KLF12: variants seen among roughly 807,000 people sequenced by gnomAD.
The protein encoded by KLF12 is KLF transcription factor 12.
KLF12 carries 9 observed loss-of-function variants against 37.8 expected under a neutral mutation model. That is an observed-to-expected ratio of 0.24 (90% CI 0.14 to 0.42). The LOEUF (loss-of-function observed/expected upper bound fraction) is 0.42. Ranked by LOEUF, KLF12 falls within the 10% of genes least tolerant of loss-of-function variation. The probability of loss-of-function intolerance (pLI) is 1.00; values close to 1 mark genes in which losing one functional copy is unlikely to be tolerated. For synonymous variants in KLF12, 208 were observed against 202.1 expected (o/e 1.03, Z -0.25); for missense variants, 411 against 516.0 (o/e 0.80, Z 1.97).
At chr13:73,877,807 T>C (rs988473832) in intron 3 of KLF12, among the ~76,000 whole-genome samples, 3 of 152,182 alleles carry the variant, frequency 2.0e-5, no homozygotes, top group Admixed American at 1.3e-4. Context: ...CAAGGAAATA[T>C]TGGGTAGAAC....
rs896846118 is a variant in KLF12, at chr13:73,893,529, G to A, written c.124-47156C>T. On this transcript the variant is annotated intron_variant, in intron 3 of 7. Coordinates refer to ENST00000377669, the MANE Select transcript of KLF12 (RefSeq NM_007249.5). ...CCCAAGTAGCTAGGACTATAGGAGC[G>A]CGCTGCTATACCTGGCTAATTTTTG... Among the ~76,000 whole-genome samples the A allele has an allele frequency of 4.1e-4, 63 of 151,920 alleles. 1 individual carries two copies. The highest frequency in any genetic ancestry group is 4.1e-3 in the Admixed American group (63 of 15,256).
In KLF12 at chr13:73,715,599, T is replaced by C. The variant is rs928180196; in HGVS notation, c.870-74A>G. The C allele has an allele frequency of 2.0e-5, 29 of 1,456,864 alleles. No individual in the cohort carries two copies. In the African/African-American group the frequency reaches 3.9e-4, roughly 20 times the overall value. The allele number at this position is 1,456,864 out of a possible 1,614,324, so 90.2% of individuals were successfully genotyped here. A position where few individuals can be genotyped will look rare whatever the true frequency, so the allele number is the denominator to read the frequency against. Reference sequence around the variant, plus strand: ...TTTTGGTTCTGGTGGCATGGGAACATTGTCTCAGACACTACAGCTTCACAG... The same window carrying C: ...TTTTGGTTCTGGTGGCATGGGAACACTGTCTCAGACACTACAGCTTCACAG... On this transcript the variant is annotated intron_variant, in intron 6 of 7. Coordinates refer to ENST00000377669, the MANE Select transcript of KLF12 (RefSeq NM_007249.5).
chr13:74,165,553 C>T, the KLF12 span, among the ~76,000 whole-genome samples: 3 of 152,150 alleles, frequency 2.0e-5, 1 homozygote, highest in African/African-American at 7.2e-5. Flanking sequence ...CTCACCTCAG[C>T]CTCCCAGAGT....
At chr13:74,302,035 C>A in the KLF12 span, among the ~76,000 whole-genome samples, 1 of 152,116 alleles carries the variant, frequency 6.6e-6, no homozygotes, top group Non-Finnish European at 1.5e-5. Context: ...AAAGATCTAT[C>A]TGTGAAGGAT....
chr13:74,057,899 G>T lies in KLF12; in HGVS notation c.-31-62846C>A, dbSNP rs531575102. 2.0e-5 allele frequency among the ~76,000 whole-genome samples: 3 copies of T among 151,826 alleles called. No individual in the cohort carries two copies. The East Asian group carries it at 5.8e-4, about 29-fold the overall frequency. On this transcript the variant is annotated intron_variant, in intron 1 of 7. Transcript: ENST00000377669. ...AAGGGAAGAATCAGATGAAAACAGA[G>T]ATAGAGACTTGGAAACAGGGAAAAA...
chr13:73,711,710 T>C (rs1344151431), intron 7 of KLF12, among the ~76,000 whole-genome samples: 1 of 152,220 alleles, frequency 6.6e-6, no homozygotes, highest in African/African-American at 2.4e-5. Context: ...TGGATGTTTT[T>C]CTGCCTGCTA....
chr13:74,037,464 C>T (rs1893283642), intron 1 of KLF12, among the ~76,000 whole-genome samples: 1 of 152,128 alleles, frequency 6.6e-6, no homozygotes, highest in African/African-American at 2.4e-5. Flanking sequence ...ACAAGACATC[C>T]ACAGCCGCCA....
At chr13:74,240,082 C>T in the KLF12 span, among the ~76,000 whole-genome samples, 16 of 152,074 alleles carry the variant, frequency 1.1e-4, no homozygotes, top group East Asian at 7.7e-4. Flanking sequence ...CGGCTGGTAC[C>T]GGTTGTTCTT....
intron 1 of KLF12, among the ~76,000 whole-genome samples, chr13:74,081,491 A>AT (rs931364390): frequency 7.2e-5 from 11 of 152,124 alleles, no homozygotes; most frequent in African/African-American, 1.9e-4. Context: ...ATAGTATTAC[A>AT]TTTTTTTCTA....
At chr13:73,826,785 CAT>C (rs1491272306) in intron 4 of KLF12, among the ~76,000 whole-genome samples, 7 of 151,418 alleles carry the variant, frequency 4.6e-5, no homozygotes, top group Non-Finnish European at 5.9e-5. Context: ...CACACACACA[CAT>C]ATATATTTTT....
chr13:74,139,683 C>T, the KLF12 span, among the ~76,000 whole-genome samples: 4 of 151,782 alleles, frequency 2.6e-5, no homozygotes, highest in African/African-American at 9.7e-5. Flanking sequence ...TAGCATTCTA[C>T]TGTGTTAGAT....
chr13:73,902,186 C>CA lies in KLF12; in HGVS notation c.123+41794dup, dbSNP rs143532812. Among the ~76,000 whole-genome samples the CA allele has an allele frequency of 2.4e-3, 363 of 152,146 alleles. 1 individual carries two copies. Among genetic ancestry groups the CA allele is most frequent in the Non-Finnish European group, 4.5e-3 (307 of 67,974 alleles). On this transcript the variant is annotated intron_variant, in intron 3 of 7. Transcript: ENST00000377669. The stretch of plus-strand genomic sequence containing the variant: ...TTATCCCAAAATACATACGGTGTGT[C>CA]AGAGATTAAGTAAGGACAGAAAGAC...
At chr13:73,974,159 C>A (rs1196518377) in intron 2 of KLF12, among the ~76,000 whole-genome samples, 1 of 151,574 alleles carries the variant, frequency 6.6e-6, no homozygotes, top group Admixed American at 6.6e-5. Context: ...CCTGAAGAAC[C>A]CAAAAATTGG....
intron 1 of KLF12, among the ~76,000 whole-genome samples, chr13:74,114,343 T>G (rs544253708): frequency 1.3e-5 from 2 of 152,368 alleles, no homozygotes; most frequent in South Asian, 4.1e-4. Flanking sequence ...ATGTAGGTTT[T>G]TTTTCATCAC....
At chr13:73,933,032 C>T (rs1889757797) in intron 3 of KLF12, among the ~76,000 whole-genome samples, 1 of 152,152 alleles carries the variant, frequency 6.6e-6, no homozygotes, top group Non-Finnish European at 1.5e-5. Context: ...AGTTCAGTGC[C>T]TGTTACTTAC....
At chr13:74,297,164 C>T in the KLF12 span, among the ~76,000 whole-genome samples, 1 of 152,024 alleles carries the variant, frequency 6.6e-6, no homozygotes, top group South Asian at 2.1e-4. Context: ...ATTTATTGAA[C>T]CTATTGAGAG....
the KLF12 span, among the ~76,000 whole-genome samples, chr13:74,181,516 C>T: frequency 1.3e-5 from 2 of 150,778 alleles, no homozygotes; most frequent in Non-Finnish European, 1.5e-5. Flanking sequence ...CCTGTCTCTA[C>T]TAAAACAAAC....
In KLF12 at chr13:73,877,395, A is replaced by C. The variant is rs74095874; in HGVS notation, c.124-31022T>G. Reference sequence around the variant, plus strand: ...GGGTTCTATTTTTAACTCAGCAATAATAAGTTGGAATCTTTTAGCTGAATG... The same window carrying C: ...GGGTTCTATTTTTAACTCAGCAATACTAAGTTGGAATCTTTTAGCTGAATG... On this transcript the variant is annotated intron_variant, in intron 3 of 7. Transcript: ENST00000377669. 5.9e-3 allele frequency among the ~76,000 whole-genome samples: 892 copies of C among 152,304 alleles called. 15 individuals are homozygous for C. The highest frequency in any genetic ancestry group is 0.019 in the African/African-American group (808 of 41,572).
At chr13:73,942,388 A>C (rs17061703) in intron 3 of KLF12, among the ~76,000 whole-genome samples, 12,010 of 152,162 alleles carry the variant, frequency 0.079, 629 homozygotes, top group Admixed American at 0.17. Context: ...ATGAGACGCC[A>C]GGCTCTATAT....
Sources: allele counts gnomAD v4.1 joint callset (sites outside exome capture counted in the v4.1 genomes callset), GRCh38; gene constraint gnomAD v4.1.1; transcripts MANE v1.5; gene names NCBI Gene and HGNC (gene_info 2026-07-23, HGNC 2026-07-21).